The following NIN variants were observed in gnomAD, a reference collection of about 807,000 sequenced individuals.
NIN encodes the protein glycogen synthase kinase 3 beta-interacting protein.
In NIN, 137 loss-of-function variants were observed where a neutral mutation model predicts 257.6. The ratio of observed to expected loss-of-function variants is 0.53; its 90% CI spans 0.46 to 0.61. NIN has a LOEUF of 0.61. Ranked by LOEUF, NIN falls within the 20% of genes least tolerant of loss-of-function variation. The probability of loss-of-function intolerance (pLI) is 0.00; values close to 1 mark genes in which losing one functional copy is unlikely to be tolerated. For synonymous variants in NIN, 918 were observed against 919.8 expected (o/e 1.00, Z 0.04); for missense variants, 2,439 against 2,501.2 (o/e 0.98, Z 0.53).
At chr14:50,802,042 C>T (rs947201517) in intron 4 of NIN, among the ~76,000 whole-genome samples, 4 of 152,194 alleles carry the variant, frequency 2.6e-5, no homozygotes, top group South Asian at 2.1e-4. Flanking sequence ...GAGCTTGTGC[C>T]AGCATTTCCA....
Position 50,723,481 on chromosome 14 carries a change from T to C in NIN, c.6384A>G (p.Thr2128=). The part of the protein sequence containing the change: ...RNLTPAPLTS[T]PPLRS Reference sequence around the variant, plus strand: ...GGTTTGGCTATGACCTCAAAGGAGGTGTAGAAGTCAATGGCGCTGGTGTCA... The same window carrying C: ...GGTTTGGCTATGACCTCAAAGGAGGCGTAGAAGTCAATGGCGCTGGTGTCA... Residue 2128 remains threonine, a synonymous_variant, in exon 31 of 31, where the codon ACA becomes ACG. Coordinates refer to ENST00000530997, the MANE Select transcript of NIN (RefSeq NM_020921.4). 6.2e-7 allele frequency: 1 copy of C among 1,612,492 alleles called. No individual in the cohort carries two copies. The highest frequency in any genetic ancestry group is 8.5e-7 in the Non-Finnish European group (1 of 1,179,720).
At position 50,773,033 on chromosome 14, in the gene NIN, G is replaced by T; in HGVS notation, c.729C>A (p.Phe243Leu). 1.2e-6 allele frequency: 2 copies of T among 1,612,472 alleles called. No homozygotes were observed. Among genetic ancestry groups the T allele is most frequent in the Non-Finnish European group, 1.7e-6 (2 of 1,178,772 alleles). ...PDGTMSVEDF[F>L]YGLFKNGKSL... ...ATTTTCCATTTTTAAACAAACCATA[G>T]AAAAAATCTTCTACACTCATTGTAC... The change falls in exon 8 of 31, where the codon TTC becomes TTA. Residue 243 changes from phenylalanine to leucine, a missense_variant. Physicochemically the swap from Phe to Leu is conservative, Grantham distance 22. Coordinates refer to ENST00000530997, the MANE Select transcript of NIN (RefSeq NM_020921.4).
At chr14:50,756,120 T>C (rs148378070) in intron 18 of NIN, among the ~76,000 whole-genome samples, 70 of 151,032 alleles carry the variant, frequency 4.6e-4, no homozygotes, top group African/African-American at 1.6e-3. Context: ...GTATATAACA[T>C]GTTTCCTCAA....
chr14:50,809,726 T>C (rs894172736), intron 3 of NIN, among the ~76,000 whole-genome samples: 2 of 152,202 alleles, frequency 1.3e-5, no homozygotes, highest in South Asian at 2.1e-4. Flanking sequence ...GACAAAGACA[T>C]CTATAATCTG....
chr14:50,744,381 A>G lies in NIN; in HGVS notation c.5065-16T>C, dbSNP rs200380835. On this transcript the variant is annotated splice_polypyrimidine_tract_variant and intron_variant, in intron 22 of 30. Transcript: ENST00000530997. ...ATCTGTGCAGCTGTAAGAGATAAACAAATGAGCCCTCCCATCACATCTCAT... is the reference window on the plus strand; with the variant it reads ...ATCTGTGCAGCTGTAAGAGATAAACGAATGAGCCCTCCCATCACATCTCAT... 1.2e-6 allele frequency: 2 copies of G among 1,612,628 alleles called. No individual in the cohort carries two copies. The highest frequency in any genetic ancestry group is 4.5e-5 in the East Asian group (2 of 44,846).
chr14:50,747,671 T>C (rs2041607152), intron 22 of NIN, among the ~76,000 whole-genome samples: 1 of 150,956 alleles, frequency 6.6e-6, no homozygotes, highest in Non-Finnish European at 1.5e-5. Context: ...GAGCTGGAGG[T>C]TGCAGTGAGC....
intron 14 of NIN, among the ~76,000 whole-genome samples, chr14:50,765,740 A>T (rs1000860500): frequency 6.7e-6 from 1 of 150,192 alleles, no homozygotes; most frequent in African/African-American, 2.5e-5. Context: ...ATTCAGAAAA[A>T]AAAAAACCCA....
At chr14:50,817,240 AC>A (rs954790419) in intron 3 of NIN, among the ~76,000 whole-genome samples, 1 of 152,226 alleles carries the variant, frequency 6.6e-6, no homozygotes, top group African/African-American at 2.4e-5. Context: ...CACCACTATT[AC>A]AAACCAATGG....
intron 27 of NIN, among the ~76,000 whole-genome samples, chr14:50,737,495 CAAAAA>C (rs58386910): frequency 2.1e-3 from 112 of 54,440 alleles, no homozygotes; most frequent in African/African-American, 5.4e-3. Context: ...TGTTACATAG[CAAAAA>C]AAAAAAAAAA....
rs1266216717 is a variant in NIN at position 50,831,102 on chromosome 14, G to A, written c.-172C>T. The A allele has an allele frequency of 6.7e-6, 1 of 149,752 alleles. No individual in the cohort carries two copies. The highest frequency in any genetic ancestry group is 6.6e-5 in the Admixed American group (1 of 15,040). The allele number at this position is 149,752 out of a possible 1,614,324, so 9.3% of individuals were successfully genotyped here. ...CGGCAGCGGGACGGCCGCGCCCAGC[G>A]CGCTCGGCTCCCGGCTCGGCCGCGG... On this transcript the variant is annotated 5_prime_UTR_variant, in exon 1 of 31. Transcript: ENST00000530997.
At chr14:50,747,888 G>T (rs2041621509) in intron 22 of NIN, 104 bp downstream of exon 22, 1 of 772,096 alleles carries the variant, frequency 1.3e-6, no homozygotes, top group African/African-American at 1.7e-5. Flanking sequence ...CTAGTTGACA[G>T]AACTTGGTAC....
intron 25 of NIN, among the ~76,000 whole-genome samples, chr14:50,740,733 C>T (rs753141421): frequency 2.6e-5 from 4 of 151,914 alleles, no homozygotes; most frequent in Non-Finnish European, 4.4e-5. Flanking sequence ...CTGCCTGCCT[C>T]GGCCTCCCAA....
At chr14:50,815,813 G>A (rs2044866097) in intron 3 of NIN, among the ~76,000 whole-genome samples, 2 of 152,118 alleles carry the variant, frequency 1.3e-5, no homozygotes, top group Non-Finnish European at 2.9e-5. Flanking sequence ...TTTGAGACCA[G>A]CCTGGCCAAC....
chr14:50,778,315 C>T (rs1248040481), intron 6 of NIN, among the ~76,000 whole-genome samples: 1 of 152,132 alleles, frequency 6.6e-6, no homozygotes, highest in Non-Finnish European at 1.5e-5. Flanking sequence ...GTAGCTGGGA[C>T]GACAGGCATG....
intron 2 of NIN, among the ~76,000 whole-genome samples, chr14:50,828,511 A>C (rs2045564073): frequency 6.6e-6 from 1 of 152,348 alleles, no homozygotes; most frequent in East Asian, 1.9e-4. Flanking sequence ...CAAGTTCAAT[A>C]GCTAGAATTC....
At chr14:50,791,678 G>A (rs1032733335) in intron 5 of NIN, among the ~76,000 whole-genome samples, 3 of 152,052 alleles carry the variant, frequency 2.0e-5, no homozygotes, top group African/African-American at 7.2e-5. Flanking sequence ...TTGGATTTTG[G>A]GGTATTCTGG....
chr14:50,796,662 A>C (rs2043853622), intron 4 of NIN, among the ~76,000 whole-genome samples: 1 of 152,144 alleles, frequency 6.6e-6, no homozygotes, highest in Admixed American at 6.5e-5. Flanking sequence ...AAGAAAGTTA[A>C]AATATGGTGT....
chr14:50,776,269 T>C (rs531920263), intron 7 of NIN, among the ~76,000 whole-genome samples: 4 of 152,306 alleles, frequency 2.6e-5, no homozygotes, highest in African/African-American at 9.6e-5. Flanking sequence ...CTTAATTTTT[T>C]AGAAAACATA....
At chr14:50,751,552 G>A (rs1195258548) in intron 21 of NIN, among the ~76,000 whole-genome samples, 1 of 151,972 alleles carries the variant, frequency 6.6e-6, no homozygotes, top group East Asian at 1.9e-4. Flanking sequence ...TAGATTTGAG[G>A]GCCATTTTAA....
Sources: allele counts gnomAD v4.1 joint callset (sites outside exome capture counted in the v4.1 genomes callset), GRCh38; gene constraint gnomAD v4.1.1; transcripts MANE v1.5; gene names NCBI Gene and HGNC (gene_info 2026-07-23, HGNC 2026-07-21).